SHISA6: variants seen among roughly 807,000 people sequenced by gnomAD.
The protein encoded by SHISA6 is protein shisa-6.
In SHISA6, 22 loss-of-function variants were observed where a neutral mutation model predicts 47.9. That is an observed-to-expected ratio of 0.46 (90% CI 0.33 to 0.66). SHISA6 has a LOEUF of 0.66. Among genes scored for constraint, SHISA6 ranks in the 30% least tolerant of loss-of-function variants. SHISA6 has a pLI of 0.02. For missense variants in SHISA6, 680 were observed against 764.6 expected (o/e 0.89, Z 1.30); for synonymous variants, 388 against 337.8 (o/e 1.15, Z -1.63).
chr17:11,277,340 C>G (rs534980501), intron 2 of SHISA6, among the ~76,000 whole-genome samples: 2 of 149,080 alleles, frequency 1.3e-5, no homozygotes, highest in African/African-American at 2.5e-5. Flanking sequence ...CGTATACAGA[C>G]TTTCTTCTCC....
At chr17:11,245,965 G>C (rs1907567788) in intron 1 of SHISA6, among the ~76,000 whole-genome samples, 1 of 152,202 alleles carries the variant, frequency 6.6e-6, no homozygotes, top group Non-Finnish European at 1.5e-5. Context: ...AACTGCAGTG[G>C]CAGGGCCCCT....
At chr17:11,349,141 A>G (rs1421593851) in intron 2 of SHISA6, among the ~76,000 whole-genome samples, 6 of 152,196 alleles carry the variant, frequency 3.9e-5, no homozygotes, top group Admixed American at 6.5e-5. Flanking sequence ...TGCCTTGCAA[A>G]GAAGTATAAA....
intron 3 of SHISA6, among the ~76,000 whole-genome samples, chr17:11,419,315 C>G (rs767104098): frequency 1.9e-4 from 28 of 151,312 alleles, no homozygotes; most frequent in Non-Finnish European, 3.5e-4. Flanking sequence ...AAATTATATC[C>G]TTTAATAAAT....
At chr17:11,321,634 T>G (rs1474326032) in intron 2 of SHISA6, among the ~76,000 whole-genome samples, 2 of 152,250 alleles carry the variant, frequency 1.3e-5, no homozygotes, top group Non-Finnish European at 2.9e-5. Flanking sequence ...AGTTTCAATC[T>G]ACTATCTTGT....
intron 1 of SHISA6, among the ~76,000 whole-genome samples, chr17:11,260,110 GTAC>G (rs1327675844): frequency 6.6e-6 from 1 of 152,090 alleles, no homozygotes; most frequent in Non-Finnish European, 1.5e-5. Context: ...ACAATACCAA[GTAC>G]TGAAGAAAGC....
intron 2 of SHISA6, among the ~76,000 whole-genome samples, chr17:11,285,380 T>C (rs570960560): frequency 6.6e-6 from 1 of 152,190 alleles, no homozygotes; most frequent in South Asian, 2.1e-4. Context: ...AAATGATACA[T>C]CTGGGGGACA....
intron 3 of SHISA6, among the ~76,000 whole-genome samples, chr17:11,398,124 T>A (rs1402420525): frequency 1.3e-5 from 2 of 152,202 alleles, no homozygotes. Flanking sequence ...TTTTGCGTAA[T>A]TTTGGGAGAA....
In SHISA6 at chr17:11,389,872, C is replaced by T. The variant is rs184724447; in HGVS notation, c.895+10363C>T. On this transcript the variant is annotated intron_variant, in intron 3 of 5. Coordinates refer to ENST00000441885, the MANE Select transcript of SHISA6 (RefSeq NM_207386.4). ...TGCTCACTGCCAAGAGTCTTACAGA[C>T]CCTGAAAGCTAAGCTATGGGGCTAA... Among the ~76,000 whole-genome samples, 13 of 152,268 alleles carry T rather than the reference C, an allele frequency of 8.5e-5. No individual in the cohort carries two copies. In the East Asian group the frequency reaches 2.3e-3, roughly 27 times the overall value.
chr17:11,432,139 A>G (rs1914796751), intron 3 of SHISA6, among the ~76,000 whole-genome samples: 1 of 152,206 alleles, frequency 6.6e-6, no homozygotes, highest in African/African-American at 2.4e-5. Flanking sequence ...AGAAAGGATA[A>G]AAGCATTGAG....
intron 3 of SHISA6, among the ~76,000 whole-genome samples, chr17:11,396,450 C>T (rs1052353567): frequency 2.6e-5 from 4 of 152,160 alleles, no homozygotes; most frequent in African/African-American, 7.2e-5. Context: ...AATAAACGTA[C>T]GTGTGCATGT....
intron 3 of SHISA6, among the ~76,000 whole-genome samples, chr17:11,465,619 C>A (rs1460720874): frequency 6.6e-6 from 1 of 152,136 alleles, no homozygotes; most frequent in Non-Finnish European, 1.5e-5. Context: ...GGAGATCTGA[C>A]AGCTTCTCTA....
intron 2 of SHISA6, 69 bp from the exon 3 acceptor site, chr17:11,379,345 T>C (rs1165233684): frequency 5.5e-5 from 64 of 1,153,204 alleles, no homozygotes; most frequent in Non-Finnish European, 7.5e-5. Flanking sequence ...TTGGGTGAGA[T>C]GCAGCTGCGC....
At chr17:11,373,225 G>T (rs1178089584) in intron 2 of SHISA6, among the ~76,000 whole-genome samples, 1 of 151,514 alleles carries the variant, frequency 6.6e-6, no homozygotes, top group Non-Finnish European at 1.5e-5. Context: ...TGACTCGTGG[G>T]TATTTTAGTC....
In SHISA6 at chr17:11,526,914, T is replaced by C. The variant is rs1424064797; in HGVS notation, c.896-24982T>C. On this transcript the variant is annotated intron_variant, in intron 3 of 5. Transcript: ENST00000441885. ...ATATATATATATATATATATATATATATATATATATATATATATATATTAT... is the reference window on the plus strand; with the variant it reads ...ATATATATATATATATATATATATACATATATATATATATATATATATTAT... 3.8e-4 allele frequency among the ~76,000 whole-genome samples: 9 copies of C among 23,922 alleles called. 1 individual carries two copies. Among genetic ancestry groups the C allele is most frequent in the Non-Finnish European group, 6.2e-4 (8 of 12,870 alleles). 15.7% of individuals were successfully genotyped at this position (23,922 alleles called of 152,430 possible).
At chr17:11,324,513 T>G (rs920485273) in intron 2 of SHISA6, among the ~76,000 whole-genome samples, 1 of 152,120 alleles carries the variant, frequency 6.6e-6, no homozygotes, top group Non-Finnish European at 1.5e-5. Context: ...TCCTGGATAG[T>G]AGAAGCTCTT....
Position 11,422,158 on chromosome 17 carries a change from C to A in SHISA6, c.895+42649C>A, listed in dbSNP as rs1597505173. On this transcript the variant is annotated intron_variant, in intron 3 of 5. Coordinates refer to ENST00000441885, the MANE Select transcript of SHISA6 (RefSeq NM_207386.4). ...TAGCACCTGTGACATATGCCACACT[C>A]TCAGGCTGAGCATGTGATGAAAGCA... Among the ~76,000 whole-genome samples, 3 of 152,312 alleles carry A rather than the reference C, an allele frequency of 2.0e-5. No homozygotes were observed. In the East Asian group the frequency reaches 5.8e-4, roughly 29 times the overall value.
intron 2 of SHISA6, among the ~76,000 whole-genome samples, chr17:11,370,305 C>T (rs1912594989): frequency 6.6e-6 from 1 of 152,108 alleles, no homozygotes; most frequent in South Asian, 2.1e-4. Context: ...ATACAGGAGA[C>T]CCCATAGTGG....
rs55825696 is a variant in SHISA6, at chr17:11,301,613, C to T, written c.799+38087C>T. On this transcript the variant is annotated intron_variant, in intron 2 of 5. Coordinates refer to ENST00000441885, the MANE Select transcript of SHISA6 (RefSeq NM_207386.4). ...CAACCTCCTTGCCGTTCCCCTCCTT[C>T]CTGCCTCCTCCAGCCAGAGGCAGCT... Among the ~76,000 whole-genome samples, 925 of 152,310 alleles carry T rather than the reference C, an allele frequency of 6.1e-3. 9 individuals are homozygous for T. Among genetic ancestry groups the T allele is most frequent in the Non-Finnish European group, 7.5e-3 (511 of 68,034 alleles).
intron 2 of SHISA6, among the ~76,000 whole-genome samples, chr17:11,313,364 T>C (rs9889635): frequency 0.9 from 136,754 of 152,216 alleles, 61,573 homozygotes; most frequent in East Asian, 1. Flanking sequence ...TTTCCTACCC[T>C]CTTTTTTAAA....
Sources: gnomAD v4.1 joint callset for allele counts (sites outside exome capture counted in the v4.1 genomes callset) on GRCh38, gnomAD v4.1.1 for gene constraint, MANE v1.5 for transcripts, NCBI Gene and HGNC (gene_info 2026-07-23, HGNC 2026-07-21) for gene names.